Variants in LPP observed in about 807,000 individuals in gnomAD.
LPP encodes lipoma-preferred partner.
LPP carries 38 observed loss-of-function variants against 60.4 expected under a neutral mutation model. The observed-to-expected ratio is 0.63, with a 90% CI of 0.49 to 0.83. LPP has a LOEUF of 0.83. Among genes scored for constraint, LPP ranks in the 40% least tolerant of loss-of-function variants. The probability of loss-of-function intolerance (pLI) is 0.00; values close to 1 mark genes in which losing one functional copy is unlikely to be tolerated. For missense variants in LPP, 902 were observed against 783.6 expected (o/e 1.15, Z -1.80); for synonymous variants, 328 against 290.8 (o/e 1.13, Z -1.30).
chr3:188,854,482 A>G (rs192680783), intron 9 of LPP, among the ~76,000 whole-genome samples: 20 of 152,332 alleles, frequency 1.3e-4, no homozygotes, highest in Admixed American at 1.1e-3. Context: ...TGATGTTGGC[A>G]TGTCTTTATG....
intron 9 of LPP, among the ~76,000 whole-genome samples, chr3:188,826,197 A>G (rs1755436186): frequency 1.3e-5 from 2 of 152,220 alleles, no homozygotes; most frequent in Non-Finnish European, 2.9e-5. Context: ...CTCTAAAGAA[A>G]GAGAAGCCTA....
intron 6 of LPP, among the ~76,000 whole-genome samples, chr3:188,563,717 TG>T (rs76208945): frequency 0.49 from 61,313 of 125,312 alleles, 14,028 homozygotes; most frequent in East Asian, 0.91. Flanking sequence ...GAATTGCTTG[TG>T]TTTTTTTTTG....
At chr3:188,693,284 G>C (rs952323185) in intron 7 of LPP, among the ~76,000 whole-genome samples, 1 of 152,176 alleles carries the variant, frequency 6.6e-6, no homozygotes, top group Non-Finnish European at 1.5e-5. Context: ...ACTTCATGAT[G>C]TCTCAATTTC....
chr3:188,230,757 C>T (rs1577413145), intron 2 of LPP, among the ~76,000 whole-genome samples: 1 of 145,986 alleles, frequency 6.8e-6, no homozygotes, highest in African/African-American at 2.5e-5. Context: ...TGGGCAACAA[C>T]AGCAAAACTC....
chr3:188,617,826 T>C (rs1025298494), intron 7 of LPP, among the ~76,000 whole-genome samples: 4 of 152,192 alleles, frequency 2.6e-5, no homozygotes, highest in Admixed American at 2.0e-4. Context: ...GAAATTCTAT[T>C]TATCAGTGTT....
At chr3:188,468,184 G>A (rs978716901) in intron 4 of LPP, among the ~76,000 whole-genome samples, 6 of 152,046 alleles carry the variant, frequency 3.9e-5, no homozygotes, top group Admixed American at 1.3e-4. Flanking sequence ...TGGGTATTTT[G>A]CTTTGAAAAT....
Position 188,341,693 on chromosome 3 carries a change from A to G in LPP, c.-36A>G. 2 of 985,312 alleles carry G rather than the reference A, an allele frequency of 2.0e-6. No homozygotes were observed. The highest frequency in any genetic ancestry group is 4.7e-5 in the South Asian group (1 of 21,284). 61.0% of individuals were successfully genotyped at this position (985,312 alleles called of 1,614,324 possible). The stretch of plus-strand genomic sequence containing the variant: ...CAGTTGGCTGAACCTTGTGTCAACC[A>G]TCCATTCCAGGAGCCAGCTATCTGA... On this transcript the variant is annotated 5_prime_UTR_variant, in exon 3 of 12. Coordinates refer to ENST00000617246, the MANE Select transcript of LPP (RefSeq NM_001375462.1).
chr3:188,318,546 C>A (rs1755829602), intron 2 of LPP, among the ~76,000 whole-genome samples: 1 of 151,920 alleles, frequency 6.6e-6, no homozygotes, highest in Admixed American at 6.6e-5. Flanking sequence ...AGTTTGTAAA[C>A]TCGGCTCATA....
intron 8 of LPP, among the ~76,000 whole-genome samples, chr3:188,744,614 T>C (rs1207325220): frequency 2.6e-5 from 4 of 152,108 alleles, no homozygotes; most frequent in African/African-American, 9.7e-5. Flanking sequence ...ACCTGATAGG[T>C]GGCATAGGAA....
chr3:188,360,210 TAGGAATCCC>T (rs1220818906), intron 3 of LPP, among the ~76,000 whole-genome samples: 1 of 152,178 alleles, frequency 6.6e-6, no homozygotes, highest in African/African-American at 2.4e-5. Context: ...GCATCGGAAT[TAGGAATCCC>T]ACCCTCAGAA....
chr3:188,506,058 A>T (rs1296434217), intron 5 of LPP, among the ~76,000 whole-genome samples: 1 of 152,064 alleles, frequency 6.6e-6, no homozygotes, highest in African/African-American at 2.4e-5. Flanking sequence ...TCAATACCTG[A>T]TGAACCCTCA....
intron 6 of LPP, among the ~76,000 whole-genome samples, chr3:188,538,026 C>T (rs1444595697): frequency 6.6e-6 from 1 of 152,132 alleles, no homozygotes. Flanking sequence ...ATGCTGGAAC[C>T]ACCAGATATC....
intron 2 of LPP, among the ~76,000 whole-genome samples, chr3:188,295,643 T>C (rs1017576078): frequency 1.3e-4 from 20 of 152,078 alleles, no homozygotes; most frequent in African/African-American, 4.3e-4. Flanking sequence ...GCTCAAGCAA[T>C]CCTCCCGCCT....
rs1412845242 is a variant in LPP at position 188,203,500 on chromosome 3, T to A, written c.-189-21905T>A. Among the ~76,000 whole-genome samples the A allele has an allele frequency of 1.7e-4, 11 of 65,300 alleles. 1 individual carries two copies. The Admixed American group carries it at 2.7e-3, about 16-fold the overall frequency. The allele number at this position is 65,300 out of a possible 152,430, so 42.8% of individuals were successfully genotyped here. On this transcript the variant is annotated intron_variant, in intron 1 of 11. Transcript: ENST00000617246. ...ATATATATATATTTTTAAATATATA[T>A]AAATATATATATTTAAATATATATA...
At position 188,775,961 on chromosome 3, in the gene LPP, T is replaced by C. The variant is rs77611381; in HGVS notation, c.1410+15679T>C. ...AAGTGAGTGTTTAAACACATGTCCA[T>C]TGAATATTTTTAACTGAAAAGTGAA... On this transcript the variant is annotated intron_variant, in intron 9 of 11. Transcript: ENST00000617246. Among the ~76,000 whole-genome samples the C allele has an allele frequency of 5.7e-3, 864 of 152,352 alleles. 11 individuals are homozygous for C. The highest frequency in any genetic ancestry group is 0.021 in the East Asian group (110 of 5,192).
intron 2 of LPP, among the ~76,000 whole-genome samples, chr3:188,256,651 C>T (rs555422419): frequency 3.9e-4 from 59 of 152,200 alleles, no homozygotes; most frequent in African/African-American, 1.3e-3. Context: ...TCCCAAATTA[C>T]GTATAGCAAC....
Position 188,609,966 on chromosome 3 carries a change from T to C in LPP, c.1113+122T>C, listed in dbSNP as rs1843346649. The C allele has an allele frequency of 2.1e-6, 2 of 952,988 alleles. No homozygotes were observed. The highest frequency in any genetic ancestry group is 5.6e-5 in the Admixed American group (2 of 35,990). 59.0% of individuals were successfully genotyped at this position (952,988 alleles called of 1,614,324 possible). ...ACTTTTATTTCACTGACAAATACAA[T>C]CCCAGGGAAGGATGAGTGAAGCCAG... On this transcript the variant is annotated intron_variant, in intron 7 of 11. Coordinates refer to ENST00000617246, the MANE Select transcript of LPP (RefSeq NM_001375462.1). This position sits in a 1 kb window ranked among gnomAD's most constrained non-coding sequence, Gnocchi z 6.9.
At chr3:188,633,152 G>T (rs1848140766) in intron 7 of LPP, among the ~76,000 whole-genome samples, 1 of 152,158 alleles carries the variant, frequency 6.6e-6, no homozygotes. Context: ...AAGATATGTT[G>T]TCACTATCAT....
At chr3:188,519,063 A>G (rs1044687615) in intron 5 of LPP, among the ~76,000 whole-genome samples, 2 of 152,230 alleles carry the variant, frequency 1.3e-5, no homozygotes, top group Non-Finnish European at 1.5e-5. Context: ...TCATCTATGG[A>G]CACTAAAACC....
Sources: allele counts gnomAD v4.1 joint callset (sites outside exome capture counted in the v4.1 genomes callset), GRCh38; gene constraint gnomAD v4.1.1; non-coding constraint Gnocchi (gnomAD v3.1); transcripts MANE v1.5; gene names NCBI Gene and HGNC (gene_info 2026-07-23, HGNC 2026-07-21).